The following TCF7L1 variants were observed in gnomAD, a reference collection of about 807,000 sequenced individuals.
TCF7L1 encodes the protein transcription factor 7 like 1.
In TCF7L1, 18 loss-of-function variants were observed where a neutral mutation model predicts 63.7. That is an observed-to-expected ratio of 0.28 (90% CI 0.20 to 0.42). The LOEUF is 0.42. Ranked by LOEUF, TCF7L1 falls within the 10% of genes least tolerant of loss-of-function variation. TCF7L1 has a pLI of 1.00. For synonymous variants in TCF7L1, 355 were observed against 340.9 expected (o/e 1.04, Z -0.46); for missense variants, 654 against 779.3 (o/e 0.84, Z 1.91).
At chr2:85,173,012 G>A (rs1421235600) in intron 3 of TCF7L1, among the ~76,000 whole-genome samples, 1 of 152,216 alleles carries the variant, frequency 6.6e-6, no homozygotes, top group Non-Finnish European at 1.5e-5. Flanking sequence ...CACACCGGAG[G>A]TGCCCAAGAA....
chr2:85,216,827 T>C (rs749063238), intron 3 of TCF7L1, among the ~76,000 whole-genome samples: 1 of 152,134 alleles, frequency 6.6e-6, no homozygotes, highest in Non-Finnish European at 1.5e-5. Context: ...TGGAATAAAA[T>C]GTCACCTGAA....
At chr2:85,305,237 ATT>A in intron 7 of TCF7L1, 21 bp from the exon 8 acceptor site, 5 of 1,613,784 alleles carry the variant, frequency 3.1e-6, no homozygotes, top group Non-Finnish European at 4.2e-6. Context: ...CTCTGTTGCC[ATT>A]TGTTTCTATC....
At chr2:85,177,605 C>T (rs569412439) in intron 3 of TCF7L1, among the ~76,000 whole-genome samples, 21 of 152,000 alleles carry the variant, frequency 1.4e-4, no homozygotes, top group Admixed American at 6.5e-5. Context: ...CTCGGGAGTC[C>T]GAGGCAGTAG....
intron 3 of TCF7L1, among the ~76,000 whole-genome samples, chr2:85,253,725 C>G (rs138712192): frequency 3.9e-5 from 6 of 152,208 alleles, no homozygotes; most frequent in Non-Finnish European, 7.3e-5. Flanking sequence ...TTACTACCAT[C>G]GTAAGAGTTT....
chr2:85,213,275 A>G (rs11126986), intron 3 of TCF7L1, among the ~76,000 whole-genome samples: 81,777 of 151,924 alleles, frequency 0.54, 22,727 homozygotes, highest in African/African-American at 0.67. Context: ...CTGTGTCTAC[A>G]CTGATTTTAA....
At chr2:85,193,530 A>G (rs1205260095) in intron 3 of TCF7L1, among the ~76,000 whole-genome samples, 2 of 152,188 alleles carry the variant, frequency 1.3e-5, no homozygotes, top group Non-Finnish European at 2.9e-5. Context: ...ATATTTAAAA[A>G]TAAATAAGTA....
At chr2:85,270,568 A>C (rs1410530540) in intron 3 of TCF7L1, among the ~76,000 whole-genome samples, 2 of 152,150 alleles carry the variant, frequency 1.3e-5, no homozygotes, top group African/African-American at 2.4e-5. Context: ...CTGAGGTCTT[A>C]CCCACCTTTA....
rs1682226143 is a variant in TCF7L1 at position 85,309,560 on chromosome 2, C to G, written c.*98C>G. On this transcript the variant is annotated 3_prime_UTR_variant, in exon 12 of 12. Transcript: ENST00000282111. The stretch of plus-strand genomic sequence containing the variant: ...GACTTTATTGGTCAATATTTGACCA[C>G]TCTGGACTGTTCTGTAAAGTGGCTG... 2.3e-6 allele frequency: 3 copies of G among 1,282,106 alleles called. No homozygotes were observed. The highest frequency in any genetic ancestry group is 1.5e-5 in the African/African-American group (1 of 67,018). 79.4% of individuals were successfully genotyped at this position (1,282,106 alleles called of 1,614,324 possible).
At chr2:85,274,321 G>C (rs1681223769) in intron 3 of TCF7L1, among the ~76,000 whole-genome samples, 1 of 152,218 alleles carries the variant, frequency 6.6e-6, no homozygotes, top group South Asian at 2.1e-4. Context: ...GACATTGTTT[G>C]AAAGCCTAGG....
rs191052227 is a variant in TCF7L1, at chr2:85,198,135, C to G, written c.441+63685C>G. Among the ~76,000 whole-genome samples the G allele has an allele frequency of 4.9e-4, 74 of 152,360 alleles. 1 individual carries two copies. Among genetic ancestry groups the G allele is most frequent in the Middle Eastern group, 3.4e-3 (1 of 294 alleles). ...TTGAAAACCAAATCAAGTTGACCAA[C>G]AACCTTCAGTTACAGTCATGTGGTA... is the stretch of plus-strand genomic sequence containing the variant. On this transcript the variant is annotated intron_variant, in intron 3 of 11. Transcript: ENST00000282111.
intron 3 of TCF7L1, among the ~76,000 whole-genome samples, chr2:85,265,666 C>T (rs750474604): frequency 2.0e-5 from 3 of 151,916 alleles, no homozygotes; most frequent in Non-Finnish European, 4.4e-5. Context: ...CTAATGGGAA[C>T]GGTTGGGAAG....
chr2:85,258,855 T>A (rs1680785659), intron 3 of TCF7L1, among the ~76,000 whole-genome samples: 1 of 152,170 alleles, frequency 6.6e-6, no homozygotes, highest in African/African-American at 2.4e-5. Flanking sequence ...AAGGCGTCTT[T>A]AGGAAAACAG....
intron 3 of TCF7L1, among the ~76,000 whole-genome samples, chr2:85,225,004 C>G (rs1035323981): frequency 2.0e-5 from 3 of 152,178 alleles, no homozygotes; most frequent in Non-Finnish European, 4.4e-5. Context: ...ATATGGCTAG[C>G]CAGTTTTCCC....
At position 85,134,465 on chromosome 2, in the gene TCF7L1, G is replaced by A; in HGVS notation, c.441+15G>A. On this transcript the variant is annotated intron_variant, in intron 3 of 11. Coordinates refer to ENST00000282111, the MANE Select transcript of TCF7L1 (RefSeq NM_031283.3). The surrounding 1 kb of genome is among the most constrained non-coding windows in gnomAD (Gnocchi z 5.0). ...GAGCGCGCACCGTGAGTGCCCGTCG[G>A]GCGCGCCGGGGAGGGTGGGAGGCCG... 1 of 1,548,776 alleles carries A rather than the reference G, an allele frequency of 6.5e-7. No individual in the cohort carries two copies. The highest frequency in any genetic ancestry group is 8.7e-7 in the Non-Finnish European group (1 of 1,145,950).
At chr2:85,285,658 C>A (rs1452282126) in intron 4 of TCF7L1, among the ~76,000 whole-genome samples, 1 of 152,212 alleles carries the variant, frequency 6.6e-6, no homozygotes, top group Non-Finnish European at 1.5e-5. Context: ...TCTAGTGGTG[C>A]CAGTCAGCCC....
chr2:85,294,026 A>ATTTTTT lies in TCF7L1; in HGVS notation c.526-8435_526-8430dup, dbSNP rs774050758. Among the ~76,000 whole-genome samples the ATTTTTT allele has an allele frequency of 2.1e-3, 125 of 59,482 alleles. 28 individuals are homozygous for ATTTTTT. Among genetic ancestry groups the ATTTTTT allele is most frequent in the African/African-American group, 6.2e-3 (98 of 15,706 alleles). The allele number at this position is 59,482 out of a possible 152,430, so 39.0% of individuals were successfully genotyped here. ...ATTTAGGTGTGGCCTGAACACTGGG[A>ATTTTTT]TTTTTTTTTTTTTTTTTTTTTTTTT... On this transcript the variant is annotated intron_variant, in intron 4 of 11. Transcript: ENST00000282111.
rs1574072567 is a variant in TCF7L1 at position 85,134,069 on chromosome 2, T to C, written c.303T>C (p.Tyr101=). ...VRDTFQKPRD[Y]FAEVRRPQDS... is the part of the protein sequence containing the mutation. ...ACACTTTCCAGAAGCCGCGGGACTA[T>C]TTCGCCGAAGGTATGTGCCCGCTGG... Residue 101 remains tyrosine, a synonymous_variant, in exon 2 of 12, where the codon TAT becomes TAC. Transcript: ENST00000282111. The surrounding 1 kb of genome is among the most constrained non-coding windows in gnomAD (Gnocchi z 5.0). 2 of 1,610,226 alleles carry C rather than the reference T, an allele frequency of 1.2e-6. No homozygotes were observed. The highest frequency in any genetic ancestry group is 4.5e-5 in the East Asian group (2 of 44,564).
In TCF7L1 at chr2:85,295,612, TTCTC is replaced by T. The variant is rs1004641818; in HGVS notation, c.526-6858_526-6855del. Among the ~76,000 whole-genome samples, 44 of 150,596 alleles carry T rather than the reference TTCTC, an allele frequency of 2.9e-4. No homozygotes were observed. In the East Asian group the frequency reaches 7.6e-3, roughly 26 times the overall value. On this transcript the variant is annotated intron_variant, in intron 4 of 11. Coordinates refer to ENST00000282111, the MANE Select transcript of TCF7L1 (RefSeq NM_031283.3). Reference sequence around the variant, plus strand: ...TTTCCCCTGGGCTTTGTGCTTCTCTTTCTCTCTCTCTCTCTCTGTTTTTTCTTTT... The same window carrying T: ...TTTCCCCTGGGCTTTGTGCTTCTCTTTCTCTCTCTCTCTGTTTTTTCTTTT...
At chr2:85,267,694 C>G (rs1681011651) in intron 3 of TCF7L1, among the ~76,000 whole-genome samples, 2 of 150,114 alleles carry the variant, frequency 1.3e-5, no homozygotes, top group Admixed American at 1.3e-4. Context: ...TTGGGATAGA[C>G]TGGGGCAAGT....
Sources: allele counts gnomAD v4.1 joint callset (sites outside exome capture counted in the v4.1 genomes callset), GRCh38; gene constraint gnomAD v4.1.1; non-coding constraint Gnocchi (gnomAD v3.1); transcripts MANE v1.5; gene names NCBI Gene and HGNC (gene_info 2026-07-23, HGNC 2026-07-21).